The following EHMT1 variants were observed in gnomAD, a reference collection of about 807,000 sequenced individuals.
EHMT1 encodes histone-lysine N-methyltransferase EHMT1.
EHMT1 carries 15 observed loss-of-function variants against 147.2 expected under a neutral mutation model. The observed-to-expected ratio is 0.10, with a 90% CI of 0.07 to 0.16. EHMT1 has a LOEUF of 0.16. EHMT1 is among the 10% of genes least tolerant of loss of function. The pLI is 1.00. For missense variants in EHMT1, 1,587 were observed against 1,772.4 expected (o/e 0.90, Z 1.88); for synonymous variants, 795 against 709.6 (o/e 1.12, Z -1.91).
At chr9:137,801,161 G>A (rs1953450221) in intron 18 of EHMT1, among the ~76,000 whole-genome samples, 177 bp downstream of exon 18, 2 of 152,162 alleles carry the variant, frequency 1.3e-5, no homozygotes, top group Admixed American at 1.3e-4. Flanking sequence ...TGCAGATGGG[G>A]GATGTGAGGT....
At chr9:137,646,414 C>T (rs1844887341) in intron 1 of EHMT1, 1 of 985,466 alleles carries the variant, frequency 1.0e-6, no homozygotes, top group Non-Finnish European at 1.2e-6. Flanking sequence ...ACGAGGGACT[C>T]ATTCTCTGGA....
chr9:137,826,102 A>G (rs1402132383), intron 25 of EHMT1, among the ~76,000 whole-genome samples: 2 of 127,870 alleles, frequency 1.6e-5, no homozygotes, highest in Non-Finnish European at 3.1e-5. Context: ...TATTTTAACC[A>G]TGTGGCGTCA....
Position 137,754,221 on chromosome 9 carries a change from C to G in EHMT1, c.1299C>G (p.Thr433=). 2 of 1,613,998 alleles carry G rather than the reference C, an allele frequency of 1.2e-6. No homozygotes were observed. The highest frequency in any genetic ancestry group is 1.7e-6 in the Non-Finnish European group (2 of 1,180,006). ...KKKFLKRKGK[T]DSPWIKPARK... ...AATTTCTCAAGAGGAAAGGAAAGAC[C>G]GACAGTCCCTGGATCAAGCCAGCCA... Residue 433 remains threonine, a synonymous_variant, in exon 8 of 27, where the codon ACC becomes ACG. Coordinates refer to ENST00000460843, the MANE Select transcript of EHMT1 (RefSeq NM_024757.5).
chr9:137,709,639 G>T (rs995910764), intron 1 of EHMT1, among the ~76,000 whole-genome samples: 8 of 151,008 alleles, frequency 5.3e-5, no homozygotes, highest in Non-Finnish European at 8.8e-5. Context: ...TTCTCATCCA[G>T]ACGCTGGACA....
At chr9:137,783,994 A>G in intron 15 of EHMT1, 1 of 499,560 alleles carries the variant, frequency 2.0e-6, no homozygotes. Context: ...ATTTATACCT[A>G]ATGTCTTATA....
At chr9:137,824,399 C>T (rs2132954954) in intron 25 of EHMT1, among the ~76,000 whole-genome samples, 1 of 152,326 alleles carries the variant, frequency 6.6e-6, no homozygotes, top group African/African-American at 2.4e-5. Context: ...ATGACACATT[C>T]TCTTGACTGA....
At chr9:137,659,168 CAT>C (rs897030209) in intron 1 of EHMT1, among the ~76,000 whole-genome samples, 3 of 151,852 alleles carry the variant, frequency 2.0e-5, no homozygotes, top group Non-Finnish European at 4.4e-5. Context: ...CCTCCCAAAA[CAT>C]AATGTATTTT....
intron 1 of EHMT1, among the ~76,000 whole-genome samples, chr9:137,636,139 C>A (rs1358328226): frequency 6.6e-6 from 1 of 152,086 alleles, no homozygotes; most frequent in Non-Finnish European, 1.5e-5. Flanking sequence ...CCAGGCTGAT[C>A]TTGAACTCCT....
At chr9:137,798,604 G>A (rs1027005390) in intron 16 of EHMT1, among the ~76,000 whole-genome samples, 3 of 152,154 alleles carry the variant, frequency 2.0e-5, no homozygotes, top group African/African-American at 7.2e-5. Context: ...TGTGCCAGGC[G>A]ACTGACCACT....
At chr9:137,777,766 G>A (rs910646107) in intron 12 of EHMT1, 116 bp from the exon 13 acceptor site, 57 of 1,445,458 alleles carry the variant, frequency 3.9e-5, no homozygotes, top group Admixed American at 2.2e-4. Flanking sequence ...GGGACTAAGC[G>A]GACAGTAAGC....
chr9:137,757,867 C>T lies in EHMT1; in HGVS notation c.1370-13C>T, dbSNP rs1319547202. 6.2e-7 allele frequency: 1 copy of T among 1,613,690 alleles called. No homozygotes were observed. Among genetic ancestry groups the T allele is most frequent in the Non-Finnish European group, 8.5e-7 (1 of 1,180,008 alleles). On this transcript the variant is annotated splice_polypyrimidine_tract_variant and intron_variant, in intron 8 of 26. Coordinates refer to ENST00000460843, the MANE Select transcript of EHMT1 (RefSeq NM_024757.5). The stretch of plus-strand genomic sequence containing the variant: ...GGTGCGTGGTGTCTGATGTGTGTGC[C>T]TTTCATACCTAGGTTCTGAGTCGTA...
At chr9:137,635,458 G>A (rs189091613) in intron 1 of EHMT1, among the ~76,000 whole-genome samples, 3 of 151,296 alleles carry the variant, frequency 2.0e-5, no homozygotes, top group Non-Finnish European at 2.9e-5. Context: ...CTCGTGATTC[G>A]CCCTCCTTGG....
At chr9:137,678,675 T>C (rs1941629161) in intron 1 of EHMT1, among the ~76,000 whole-genome samples, 1 of 152,044 alleles carries the variant, frequency 6.6e-6, no homozygotes, top group East Asian at 1.9e-4. Flanking sequence ...AAAGTTTAGT[T>C]TATAAATCAG....
chr9:137,775,906 C>CGCGCACACATCTGTGT lies in EHMT1; in HGVS notation c.1791+656_1791+671dup, dbSNP rs1950920770. On this transcript the variant is annotated intron_variant, in intron 11 of 26. Transcript: ENST00000460843. This position sits in a 1 kb window ranked among gnomAD's most constrained non-coding sequence, Gnocchi z 6.1. Reference sequence around the variant, plus strand: ...GGGTGTGTGTGTGTGTGTGTCTGTGCGCGCACACATCTGTGTGAGCCTCTG... The same window carrying CGCGCACACATCTGTGT: ...GGGTGTGTGTGTGTGTGTGTCTGTGCGCGCACACATCTGTGTGCGCACACATCTGTGTGAGCCTCTG... Among the ~76,000 whole-genome samples the CGCGCACACATCTGTGT allele has an allele frequency of 6.6e-6, 1 of 151,116 alleles. No individual in the cohort carries two copies. Among genetic ancestry groups the CGCGCACACATCTGTGT allele is most frequent in the Admixed American group, 6.6e-5 (1 of 15,192 alleles).
At chr9:137,772,395 C>T (rs371459320) in intron 10 of EHMT1, among the ~76,000 whole-genome samples, 13 of 152,104 alleles carry the variant, frequency 8.5e-5, no homozygotes, top group Admixed American at 2.6e-4. Flanking sequence ...CGTTTTGTAG[C>T]GGTGGGCTTG....
intron 2 of EHMT1, among the ~76,000 whole-genome samples, chr9:137,711,536 T>TC (rs1944720479): frequency 6.6e-6 from 1 of 152,016 alleles, no homozygotes; most frequent in Admixed American, 6.5e-5. Flanking sequence ...GCTGCATGAC[T>TC]CCAATTTTAT....
rs1946076333 is a variant in EHMT1 at position 137,721,716 on chromosome 9, G to GA, written c.642+4537dup. ...TTGCTGTCGGTGTGTCATCTTTGGTGAAATGTCTTTCAGACTTCTGCTCGT... is the reference window on the plus strand; with the variant it reads ...TTGCTGTCGGTGTGTCATCTTTGGTGAAAATGTCTTTCAGACTTCTGCTCGT... On this transcript the variant is annotated intron_variant, in intron 3 of 26. Transcript: ENST00000460843. 2.6e-5 allele frequency among the ~76,000 whole-genome samples: 4 copies of GA among 152,048 alleles called. 1 individual carries two copies. The South Asian group carries it at 8.3e-4, about 32-fold the overall frequency.
At position 137,816,030 on chromosome 9, in the gene EHMT1, C is replaced by T. The variant is rs1348634883; in HGVS notation, c.3342C>T (p.Asn1114=). The T allele has an allele frequency of 5.0e-6, 8 of 1,613,236 alleles. No individual in the cohort carries two copies. The Admixed American group carries it at 5.0e-5, about 10-fold the overall frequency. The change falls in exon 23 of 27, where the codon AAC becomes AAT. Residue 1114 remains asparagine, a synonymous_variant. Coordinates refer to ENST00000460843, the MANE Select transcript of EHMT1 (RefSeq NM_024757.5). ...ACCACGCGTGCTCCTGCTGGAGGAACTGCCGAAATCGCGTCGTACAGAATG... is the reference window on the plus strand; with the variant it reads ...ACCACGCGTGCTCCTGCTGGAGGAATTGCCGAAATCGCGTCGTACAGAATG... ...ECNHACSCWR[N]CRNRVVQNGL... is the part of the protein sequence containing the mutation.
chr9:137,723,750 AAAAAG>A (rs1405370960), intron 3 of EHMT1, among the ~76,000 whole-genome samples: 3 of 152,150 alleles, frequency 2.0e-5, no homozygotes, highest in Non-Finnish European at 4.4e-5. Context: ...ATTACGTTTT[AAAAAG>A]TCATTCCAGT....
Sources: gnomAD v4.1 joint callset for allele counts (sites outside exome capture counted in the v4.1 genomes callset) on GRCh38, gnomAD v4.1.1 for gene constraint, Gnocchi (gnomAD v3.1) non-coding constraint, MANE v1.5 for transcripts, NCBI Gene and HGNC (gene_info 2026-07-23, HGNC 2026-07-21) for gene names.